The following SMARCD2 variants were observed in gnomAD, a reference collection of about 807,000 sequenced individuals.
SMARCD2 encodes the protein SWI/SNF-related matrix-associated actin-dependent regulator of chromatin subfamily D member 2.
In SMARCD2, 39 loss-of-function variants were observed where a neutral mutation model predicts 70.4. The ratio of observed to expected loss-of-function variants is 0.55; its 90% CI spans 0.43 to 0.72. The LOEUF (loss-of-function observed/expected upper bound fraction) is 0.72, where lower values mean the gene tolerates loss of function less well. Ranked by LOEUF, SMARCD2 falls within the 30% of genes least tolerant of loss-of-function variation. The pLI is 0.00. For missense variants in SMARCD2, 540 were observed against 713.4 expected (o/e 0.76, Z 2.77); for synonymous variants, 249 against 279.4 (o/e 0.89, Z 1.08).
At position 63,837,991 on chromosome 17, in the gene SMARCD2, C is replaced by T. The variant is rs1598359784; in HGVS notation, c.217-366G>A. Among the ~76,000 whole-genome samples the T allele has an allele frequency of 6.6e-6, 1 of 152,146 alleles. No homozygotes were observed. The highest frequency in any genetic ancestry group is 6.5e-5 in the Admixed American group (1 of 15,274). On this transcript the variant is annotated intron_variant, in intron 1 of 12. Transcript: ENST00000448276. This position sits in a 1 kb window ranked among gnomAD's most constrained non-coding sequence, Gnocchi z 6.4. ...GCAAGCTGGTCCCTATTCTCTCAGA[C>T]AGTCCTGCCAAGCCCTGCCCTCCTT...
rs1006296732 is a variant in SMARCD2, at chr17:63,832,604, C to A, written c.*334G>T. 3.5e-5 allele frequency: 14 copies of A among 403,128 alleles called. No individual in the cohort carries two copies. Among genetic ancestry groups the A allele is most frequent in the African/African-American group, 2.8e-4 (14 of 49,314 alleles). 25.0% of individuals were successfully genotyped at this position (403,128 alleles called of 1,614,324 possible). A position where few individuals can be genotyped will look rare whatever the true frequency, so the allele number is the denominator to read the frequency against. Reference sequence around the variant, plus strand: ...CCAGAGCCAGCTCTGACCCTCGCCCCAGGGGGAGTCTGTAAACATGCAAAC... The same window carrying A: ...CCAGAGCCAGCTCTGACCCTCGCCCAAGGGGGAGTCTGTAAACATGCAAAC... On this transcript the variant is annotated 3_prime_UTR_variant, in exon 13 of 13. Transcript: ENST00000448276.
chr17:63,835,076 G>GC (rs1254949880), intron 5 of SMARCD2: 2 of 535,622 alleles, frequency 3.7e-6, no homozygotes, highest in Non-Finnish European at 3.3e-6. Context: ...TTGGAGCAGC[G>GC]CCCCCCTCCC....
At position 63,834,842 on chromosome 17, in the gene SMARCD2, C is replaced by T. The variant is rs2040244739; in HGVS notation, c.724-42G>A. 7.5e-7 allele frequency: 1 copy of T among 1,332,604 alleles called. No homozygotes were observed. The highest frequency in any genetic ancestry group is 1.2e-5 in the South Asian group (1 of 85,120). 82.5% of individuals were successfully genotyped at this position (1,332,604 alleles called of 1,614,324 possible). ...GTGTGAGATGGTGCTGCTGAGCTCT[C>T]AAATCTCAAGCTATGCTAAATCCCA... is the stretch of plus-strand genomic sequence containing the variant. On this transcript the variant is annotated intron_variant, in intron 5 of 12. Transcript: ENST00000448276. The surrounding 1 kb of genome is among the most constrained non-coding windows in gnomAD (Gnocchi z 5.6).
In SMARCD2 at chr17:63,833,065, T is replaced by G. The variant is rs2040214372; in HGVS notation, c.1542+4A>C. 2 of 1,592,842 alleles carry G rather than the reference T, an allele frequency of 1.3e-6. No homozygotes were observed. The highest frequency in any genetic ancestry group is 2.3e-5 in the South Asian group (2 of 87,706). ...AAAGGAGGGAAAACAGGGCAGAGCC[T>G]CACCTTGGCAAAGATGTGCCTGCCT... On this transcript the variant is annotated splice_donor_region_variant and intron_variant, in intron 12 of 12. Coordinates refer to ENST00000448276, the MANE Select transcript of SMARCD2 (RefSeq NM_001098426.2). The surrounding 1 kb of genome is among the most constrained non-coding windows in gnomAD (Gnocchi z 4.3).
At position 63,839,305 on chromosome 17, in the gene SMARCD2, G is replaced by A. The variant is rs1339114938; in HGVS notation, c.217-1680C>T. On this transcript the variant is annotated intron_variant, in intron 1 of 12. Coordinates refer to ENST00000448276, the MANE Select transcript of SMARCD2 (RefSeq NM_001098426.2). Reference sequence around the variant, plus strand: ...GTGAGCGAGGGCCCTGTGGTCCCCAGGAAGCTCCCTGCTGCAGTGTTCACA... The same window carrying A: ...GTGAGCGAGGGCCCTGTGGTCCCCAAGAAGCTCCCTGCTGCAGTGTTCACA... 3.3e-6 allele frequency: 3 copies of A among 903,202 alleles called. No homozygotes were observed. In the East Asian group the frequency reaches 3.6e-4, roughly 107 times the overall value. 55.9% of individuals were successfully genotyped at this position (903,202 alleles called of 1,614,324 possible).
In SMARCD2 at chr17:63,842,573, G is replaced by A. The variant is rs958042576; in HGVS notation, c.102C>T (p.Pro34=). ...ALGAPPPPAG[P]GMLPGPALRG... ...GGAGCGCCGGTCCGGGCAGCATGCCGGGTCCCGCGGGGGGAGGCGGCGCTC... is the reference window on the plus strand; with the variant it reads ...GGAGCGCCGGTCCGGGCAGCATGCCAGGTCCCGCGGGGGGAGGCGGCGCTC... The change falls in exon 1 of 13, where the codon CCC becomes CCT. Residue 34 remains proline, a synonymous_variant. Coordinates refer to ENST00000448276, the MANE Select transcript of SMARCD2 (RefSeq NM_001098426.2). 4.1e-6 allele frequency: 5 copies of A among 1,205,908 alleles called. No individual in the cohort carries two copies. The African/African-American group carries it at 7.9e-5, about 19-fold the overall frequency. The allele number at this position is 1,205,908 out of a possible 1,614,324, so 74.7% of individuals were successfully genotyped here.
In SMARCD2 at chr17:63,838,954, A is replaced by G. The variant is rs184213570; in HGVS notation, c.217-1329T>C. 3.1e-5 allele frequency: 31 copies of G among 985,280 alleles called. No individual in the cohort carries two copies. In the Admixed American group the frequency reaches 1.4e-3, roughly 43 times the overall value. 61.0% of individuals were successfully genotyped at this position (985,280 alleles called of 1,614,324 possible). On this transcript the variant is annotated intron_variant, in intron 1 of 12. Coordinates refer to ENST00000448276, the MANE Select transcript of SMARCD2 (RefSeq NM_001098426.2). The stretch of plus-strand genomic sequence containing the variant: ...ACCAGATGCGGAGATGGAAAGAAAC[A>G]TGACCCACAGACGTGAGGATGGGGA...
At position 63,834,017 on chromosome 17, in the gene SMARCD2, T is replaced by C. The variant is rs1198507837; in HGVS notation, c.1084-11A>G. Reference sequence around the variant, plus strand: ...GCCACAACTGAAGATCTGGAGGAAATACGAAAGGCTCAGCGTTGGCTTGTG... The same window carrying C: ...GCCACAACTGAAGATCTGGAGGAAACACGAAAGGCTCAGCGTTGGCTTGTG... On this transcript the variant is annotated splice_polypyrimidine_tract_variant and intron_variant, in intron 8 of 12. Coordinates refer to ENST00000448276, the MANE Select transcript of SMARCD2 (RefSeq NM_001098426.2). The surrounding 1 kb of genome is among the most constrained non-coding windows in gnomAD (Gnocchi z 5.6). 1 of 1,611,354 alleles carries C rather than the reference T, an allele frequency of 6.2e-7. No homozygotes were observed. Among genetic ancestry groups the C allele is most frequent in the Admixed American group, 1.7e-5 (1 of 59,980 alleles).
intron 4 of SMARCD2, 172 bp downstream of exon 4, chr17:63,836,750 C>T: frequency 1.6e-6 from 1 of 627,280 alleles, no homozygotes; most frequent in South Asian, 2.1e-5. Flanking sequence ...GTCATATATT[C>T]ATTTAAAACA....
At position 63,833,526 on chromosome 17, in the gene SMARCD2, G is replaced by A; in HGVS notation, c.1317+61C>T. On this transcript the variant is annotated intron_variant, in intron 10 of 12. Transcript: ENST00000448276. The surrounding 1 kb of genome is among the most constrained non-coding windows in gnomAD (Gnocchi z 4.3). ...AGGTGCTACATGTATGGAAATGCTG[G>A]ACAGAGCCAGCCCACCCCAATCCTG... 1 of 1,612,230 alleles carries A rather than the reference G, an allele frequency of 6.2e-7. No homozygotes were observed. Among genetic ancestry groups the A allele is most frequent in the African/African-American group, 1.3e-5 (1 of 74,978 alleles).
At chr17:63,839,032 G>A in intron 1 of SMARCD2, 1 of 985,212 alleles carries the variant, frequency 1.0e-6, no homozygotes, top group Non-Finnish European at 1.2e-6. Flanking sequence ...AGTTCAAAGT[G>A]GGGGGCTCTG....
chr17:63,832,280 C>T lies in SMARCD2; in HGVS notation c.*658G>A, dbSNP rs2040201173. 1 of 389,190 alleles carries T rather than the reference C, an allele frequency of 2.6e-6. No individual in the cohort carries two copies. The highest frequency in any genetic ancestry group is 4.7e-6 in the Non-Finnish European group (1 of 212,286). The allele number at this position is 389,190 out of a possible 1,614,324, so 24.1% of individuals were successfully genotyped here. ...GAGAACTGGAGTGTCCCCTCCCCGGCCCAAGCCGCTGGAGAGGCAGCCCTC... is the reference window on the plus strand; with the variant it reads ...GAGAACTGGAGTGTCCCCTCCCCGGTCCAAGCCGCTGGAGAGGCAGCCCTC... On this transcript the variant is annotated 3_prime_UTR_variant, in exon 13 of 13. Transcript: ENST00000448276.
In SMARCD2 at chr17:63,832,121, C is replaced by G. The variant is rs550547628; in HGVS notation, c.*817G>C. On this transcript the variant is annotated 3_prime_UTR_variant, in exon 13 of 13. Coordinates refer to ENST00000448276, the MANE Select transcript of SMARCD2 (RefSeq NM_001098426.2). ...TTTATTTGGAAATTTCCAAACCTGCCAGATGTGGCACTCGCCAAGCCCTAG... is the reference window on the plus strand; with the variant it reads ...TTTATTTGGAAATTTCCAAACCTGCGAGATGTGGCACTCGCCAAGCCCTAG... The G allele has an allele frequency of 7.2e-6, 6 of 831,162 alleles. No individual in the cohort carries two copies. In the East Asian group the frequency reaches 1.6e-4, roughly 22 times the overall value. The allele number at this position is 831,162 out of a possible 1,614,324, so 51.5% of individuals were successfully genotyped here. A position where few individuals can be genotyped will look rare whatever the true frequency, so the allele number is the denominator to read the frequency against.
chr17:63,833,516 G>A lies in SMARCD2; in HGVS notation c.1317+71C>T, dbSNP rs1379232689. 5 of 1,610,528 alleles carry A rather than the reference G, an allele frequency of 3.1e-6. No homozygotes were observed. Among genetic ancestry groups the A allele is most frequent in the East Asian group, 2.2e-5 (1 of 44,858 alleles). On this transcript the variant is annotated intron_variant, in intron 10 of 12. Coordinates refer to ENST00000448276, the MANE Select transcript of SMARCD2 (RefSeq NM_001098426.2). The surrounding 1 kb of genome is among the most constrained non-coding windows in gnomAD (Gnocchi z 4.3). ...CCCGTCCTCCAGGTGCTACATGTAT[G>A]GAAATGCTGGACAGAGCCAGCCCAC...
Position 63,837,073 on chromosome 17 carries a change from C to T in SMARCD2, c.445-29G>A. ...AAGGAAGGTAGCAGAAGCTCATCAG[C>T]TTGCTTCAGCCAAAGCCTGGCTCTT... On this transcript the variant is annotated intron_variant, in intron 3 of 12. Coordinates refer to ENST00000448276, the MANE Select transcript of SMARCD2 (RefSeq NM_001098426.2). The surrounding 1 kb of genome is among the most constrained non-coding windows in gnomAD (Gnocchi z 6.4). 6.2e-7 allele frequency: 1 copy of T among 1,612,810 alleles called. No homozygotes were observed. Among genetic ancestry groups the T allele is most frequent in the South Asian group, 1.1e-5 (1 of 91,076 alleles).
At position 63,832,847 on chromosome 17, in the gene SMARCD2, C is replaced by T; in HGVS notation, c.*91G>A. The T allele has an allele frequency of 2.8e-6, 3 of 1,065,098 alleles. No individual in the cohort carries two copies. Among genetic ancestry groups the T allele is most frequent in the Non-Finnish European group, 4.3e-6 (3 of 705,336 alleles). The allele number at this position is 1,065,098 out of a possible 1,614,324, so 66.0% of individuals were successfully genotyped here. The stretch of plus-strand genomic sequence containing the variant: ...GTAGAGGGTGACAGCAGACACTCCT[C>T]ACCCCAGCCTACGTGTCTGCGGCCC... On this transcript the variant is annotated 3_prime_UTR_variant, in exon 13 of 13. Transcript: ENST00000448276.
At chr17:63,841,651 C>G (rs1904466666) in intron 1 of SMARCD2, among the ~76,000 whole-genome samples, 1 of 152,248 alleles carries the variant, frequency 6.6e-6, no homozygotes, top group African/African-American at 2.4e-5. Flanking sequence ...GAGCAGCTCT[C>G]AAAACCCCAA....
At position 63,834,035 on chromosome 17, in the gene SMARCD2, G is replaced by C; in HGVS notation, c.1084-29C>G. 1.2e-6 allele frequency: 2 copies of C among 1,603,052 alleles called. No individual in the cohort carries two copies. Among genetic ancestry groups the C allele is most frequent in the Non-Finnish European group, 1.7e-6 (2 of 1,170,014 alleles). The stretch of plus-strand genomic sequence containing the variant: ...GAGGAAATACGAAAGGCTCAGCGTT[G>C]GCTTGTGGGCACAGTGGAGTGGACC... On this transcript the variant is annotated intron_variant, in intron 8 of 12. Coordinates refer to ENST00000448276, the MANE Select transcript of SMARCD2 (RefSeq NM_001098426.2). This position sits in a 1 kb window ranked among gnomAD's most constrained non-coding sequence, Gnocchi z 5.6.
intron 4 of SMARCD2, 119 bp from the exon 5 acceptor site, chr17:63,835,686 C>A: frequency 1.1e-6 from 1 of 898,426 alleles, no homozygotes; most frequent in Non-Finnish European, 1.7e-6. Context: ...GCCAGCCAGG[C>A]ACCTTGTCAG....
Sources: allele counts gnomAD v4.1 joint callset (sites outside exome capture counted in the v4.1 genomes callset), GRCh38; gene constraint gnomAD v4.1.1; non-coding constraint Gnocchi (gnomAD v3.1); transcripts MANE v1.5; gene names NCBI Gene and HGNC (gene_info 2026-07-23, HGNC 2026-07-21).